The following FARP1 variants were observed in gnomAD, a reference collection of about 807,000 sequenced individuals.
The protein encoded by FARP1 is FERM, ARH/RhoGEF and pleckstrin domain protein 1, also known as FERM, ARHGEF and pleckstrin domain-containing protein 1.
A neutral mutation model predicts 128.8 loss-of-function variants in FARP1; 52 were observed. The observed-to-expected ratio is 0.40, with a 90% CI of 0.32 to 0.51. The LOEUF (loss-of-function observed/expected upper bound fraction) is 0.51. Among genes scored for constraint, FARP1 ranks in the 20% least tolerant of loss-of-function variants. FARP1 has a pLI of 0.45. For missense variants in FARP1, 1,333 were observed against 1,367.9 expected, an observed-to-expected ratio of 0.97 and a Z score of 0.40; for synonymous variants, 580 against 551.8, an observed-to-expected ratio of 1.05 and a Z score of -0.72.
At chr13:98,332,717 A>G (rs908941034) in intron 2 of FARP1, 12 of 152,210 alleles carry the variant, frequency 7.9e-5, no homozygotes, top group Non-Finnish European at 1.5e-4. Context: ...ATGTTAAAAA[A>G]GTAGTTTCTG....
intron 2 of FARP1, among the ~76,000 whole-genome samples, chr13:98,252,524 C>G (rs1291537009): frequency 6.6e-6 from 1 of 152,226 alleles, no homozygotes; most frequent in Non-Finnish European, 1.5e-5. Flanking sequence ...AATGGCCCAG[C>G]TAATGGACAG....
intron 1 of FARP1, among the ~76,000 whole-genome samples, chr13:98,193,768 C>T (rs1444431430): frequency 6.6e-6 from 1 of 152,186 alleles, no homozygotes; most frequent in Non-Finnish European, 1.5e-5. Flanking sequence ...CTAACAGTCT[C>T]CTTATCTCCC....
At chr13:98,390,511 G>A in intron 10 of FARP1, 1 of 443,236 alleles carries the variant, frequency 2.3e-6, no homozygotes, top group Non-Finnish European at 4.0e-6. Context: ...TGAGCCCAGT[G>A]ATCCCTGCCT....
intron 2 of FARP1, chr13:98,332,452 C>T (rs1887550655): frequency 6.6e-6 from 1 of 152,170 alleles, no homozygotes; most frequent in Non-Finnish European, 1.5e-5. Flanking sequence ...CCCCCACCCC[C>T]ACTCACTCCC....
In FARP1 at chr13:98,176,274, G is replaced by A; in HGVS notation, c.-24+32782G>A. On this transcript the variant is annotated intron_variant, in intron 1 of 26. Coordinates refer to ENST00000319562, the MANE Select transcript of FARP1 (RefSeq NM_005766.4). The surrounding 1 kb of genome is among the most constrained non-coding windows in gnomAD (Gnocchi z 6.2). ...GGGGGTCTTCTGTGAAATGGGACTT[G>A]CCCCCACCTTCTGCAGCCTGAAGCT... 6.2e-7 allele frequency: 1 copy of A among 1,611,528 alleles called. No homozygotes were observed. Among genetic ancestry groups the A allele is most frequent in the Non-Finnish European group, 8.5e-7 (1 of 1,178,198 alleles).
chr13:98,361,532 T>C (rs1422173028), intron 3 of FARP1, among the ~76,000 whole-genome samples: 2 of 152,208 alleles, frequency 1.3e-5, no homozygotes, highest in African/African-American at 4.8e-5. Flanking sequence ...ACCCTGGCAG[T>C]GGCAAGAGAG....
rs866222517 is a variant in FARP1, at chr13:98,309,360, G to A, written c.172-34402G>A. On this transcript the variant is annotated intron_variant, in intron 2 of 26. Transcript: ENST00000319562. ...TTTTTTTTGTATTTTTAGTAGAGAC[G>A]GGGTTTCACCGTGTTAGCCAGGATG... Among the ~76,000 whole-genome samples the A allele has an allele frequency of 5.6e-3, 844 of 150,096 alleles. 7 individuals are homozygous for A. The highest frequency in any genetic ancestry group is 0.019 in the African/African-American group (781 of 40,744).
intron 1 of FARP1, among the ~76,000 whole-genome samples, chr13:98,151,660 C>CT (rs34250002): frequency 0.01 from 726 of 69,200 alleles, 118 homozygotes; most frequent in Non-Finnish European, 0.016. Flanking sequence ...TATCTTCCAT[C>CT]TTTTTTTTTT....
intron 24 of FARP1, among the ~76,000 whole-genome samples, chr13:98,442,814 G>A (rs1203423274): frequency 2.0e-5 from 3 of 152,230 alleles, no homozygotes; most frequent in South Asian, 2.1e-4. Flanking sequence ...GTGTGGCGCC[G>A]CCACTGGGGA....
intron 2 of FARP1, among the ~76,000 whole-genome samples, chr13:98,241,788 G>A (rs1882785556): frequency 6.6e-6 from 1 of 152,118 alleles, no homozygotes; most frequent in Admixed American, 6.5e-5. Context: ...GCGTGGTGGT[G>A]CATGCCTGTG....
rs767086119 is a variant in FARP1, at chr13:98,448,255, A to G, written c.3076A>G (p.Ser1026Gly). ...TFERWMEVIR[S>G]ATSSASRPHV... ...TTGCAGGTGGATGGAAGTGATCCGC[A>G]GTGCCACCAGCTCTGCCTCGCGACC... Residue 1026 changes from serine to glycine, a missense_variant, in exon 27 of 27, where the codon AGT becomes GGT. Around this residue, in one of 2 missense-constraint regions of FARP1, gnomAD observed 1,009 missense variants for 969.8 expected, o/e 1.04. Coordinates refer to ENST00000319562, the MANE Select transcript of FARP1 (RefSeq NM_005766.4). 91 of 1,613,948 alleles carry G rather than the reference A, an allele frequency of 5.6e-5. No individual in the cohort carries two copies. The Admixed American group carries it at 1.5e-3, about 27-fold the overall frequency.
intron 16 of FARP1, among the ~76,000 whole-genome samples, chr13:98,413,786 T>C (rs945564217): frequency 6.6e-6 from 1 of 152,174 alleles, no homozygotes; most frequent in Non-Finnish European, 1.5e-5. Context: ...CATAATGGGG[T>C]CAAAGACCTT....
At chr13:98,204,558 G>A (rs897251949) in intron 1 of FARP1, among the ~76,000 whole-genome samples, 2 of 146,484 alleles carry the variant, frequency 1.4e-5, no homozygotes, top group African/African-American at 4.9e-5. Flanking sequence ...ACTAATAATT[G>A]TTTTTCATTC....
chr13:98,226,451 C>T (rs751419783), intron 2 of FARP1, among the ~76,000 whole-genome samples: 1 of 151,702 alleles, frequency 6.6e-6, no homozygotes, highest in Non-Finnish European at 1.5e-5. Flanking sequence ...TTCATACTCA[C>T]AGGTACCAGG....
At chr13:98,392,286 ACCAG>A (rs529088129) in intron 11 of FARP1, among the ~76,000 whole-genome samples, 64 of 144,044 alleles carry the variant, frequency 4.4e-4, no homozygotes, top group African/African-American at 1.6e-3. Context: ...GGAGTTTGAG[ACCAG>A]CCTGGGTAAC....
chr13:98,342,580 A>AT (rs781235596), intron 2 of FARP1, among the ~76,000 whole-genome samples: 99 of 152,066 alleles, frequency 6.5e-4, no homozygotes, highest in Non-Finnish European at 1.2e-3. Flanking sequence ...GGTGCCTGTA[A>AT]TCCCAGCTAC....
In FARP1 at chr13:98,453,123, G is replaced by C; in HGVS notation, c.*4806G>C. ...CTCGTTGACTTTTAAAAAAGGAGGAGGATGAAGAAGGAAAAAAGGAAAAAC... is the reference window on the plus strand; with the variant it reads ...CTCGTTGACTTTTAAAAAAGGAGGACGATGAAGAAGGAAAAAAGGAAAAAC... On this transcript the variant is annotated 3_prime_UTR_variant, in exon 27 of 27. Transcript: ENST00000319562. 6.2e-7 allele frequency: 1 copy of C among 1,603,640 alleles called. No homozygotes were observed. The highest frequency in any genetic ancestry group is 1.3e-5 in the African/African-American group (1 of 74,688).
At chr13:98,396,571 G>T in intron 13 of FARP1, 1 of 398,726 alleles carries the variant, frequency 2.5e-6, no homozygotes, top group Non-Finnish European at 4.4e-6. Context: ...CTGTTCTAGT[G>T]ACTCATTCAT....
At chr13:98,411,124 A>G (rs1158592548) in intron 15 of FARP1, among the ~76,000 whole-genome samples, 1 of 152,216 alleles carries the variant, frequency 6.6e-6, no homozygotes, top group South Asian at 2.1e-4. Context: ...TGTTTTGCCC[A>G]TTGCCAAGTA....
Sources: gnomAD v4.1 joint callset for allele counts (sites outside exome capture counted in the v4.1 genomes callset) on GRCh38, gnomAD v4.1.1 for gene constraint, gnomAD v4.1.1 regional missense constraint, Gnocchi (gnomAD v3.1) non-coding constraint, MANE v1.5 for transcripts, NCBI Gene and HGNC (gene_info 2026-07-23, HGNC 2026-07-21) for gene names.